The following PDE6A variants were observed in gnomAD, a reference collection of about 807,000 sequenced individuals.
PDE6A encodes the protein rod cGMP-specific 3',5'-cyclic phosphodiesterase subunit alpha.
A neutral mutation model predicts 106.3 loss-of-function variants in PDE6A; 84 were observed. The ratio of observed to expected loss-of-function variants is 0.79; its 90% CI spans 0.66 to 0.95. The LOEUF (loss-of-function observed/expected upper bound fraction) is 0.95, where lower values mean the gene tolerates loss of function less well. PDE6A is among the 40% of genes least tolerant of loss of function. The pLI, the probability that PDE6A is intolerant of heterozygous loss-of-function variation, is 0.00. For missense variants in PDE6A, 1,052 were observed against 1,084.9 expected (o/e 0.97, Z 0.43); for synonymous variants, 394 against 386.6 (o/e 1.02, Z -0.23).
intron 10 of PDE6A, 43 bp downstream of exon 10, chr5:149,898,320 G>A (rs757940319): frequency 1.8e-5 from 28 of 1,594,538 alleles, no homozygotes; most frequent in Admixed American, 3.3e-5. Context: ...TCTCTGAGAC[G>A]CAGTCTGTAT....
intron 4 of PDE6A, among the ~76,000 whole-genome samples, chr5:149,925,882 G>A (rs1019616625): frequency 3.3e-5 from 5 of 152,068 alleles, no homozygotes; most frequent in Admixed American, 1.3e-4. Context: ...TTCATTACCA[G>A]ATATCATGAT....
intron 5 of PDE6A, among the ~76,000 whole-genome samples, 197 bp downstream of exon 5, chr5:149,921,438 C>CT (rs1348558246): frequency 6.6e-6 from 1 of 151,312 alleles, no homozygotes; most frequent in Non-Finnish European, 1.5e-5. Flanking sequence ...TTTTTTTTTA[C>CT]TTTTTTTCTC....
Position 149,933,405 on chromosome 5 carries a change from G to A in PDE6A, c.717+525C>T, listed in dbSNP as rs568102222. On this transcript the variant is annotated intron_variant, in intron 3 of 21. Transcript: ENST00000255266. ...CTCCCAAAGTGCTGGAACTACAGGC[G>A]TGAGCCACCATGCCCAGTCCAATTA... is the stretch of plus-strand genomic sequence containing the variant. 7.9e-5 allele frequency among the ~76,000 whole-genome samples: 12 copies of A among 152,298 alleles called. No homozygotes were observed. In the East Asian group the frequency reaches 1.5e-3, roughly 20 times the overall value.
At chr5:149,931,931 G>T in intron 3 of PDE6A, 1 of 949,030 alleles carries the variant, frequency 1.1e-6, no homozygotes, top group South Asian at 1.4e-5. Context: ...GTACAATGAA[G>T]AGACAGAAAC....
At chr5:149,901,678 G>C (rs1290073611) in intron 8 of PDE6A, among the ~76,000 whole-genome samples, 1 of 152,194 alleles carries the variant, frequency 6.6e-6, no homozygotes, top group Non-Finnish European at 1.5e-5. Context: ...TGGATGACTT[G>C]AGTAAAGACT....
chr5:149,870,351 A>G (rs189449358), intron 17 of PDE6A, among the ~76,000 whole-genome samples: 418 of 152,336 alleles, frequency 2.7e-3, no homozygotes, highest in African/African-American at 9.3e-3. Context: ...ATGCTTTATA[A>G]TAACCTCAGA....
intron 17 of PDE6A, among the ~76,000 whole-genome samples, chr5:149,878,446 C>T (rs1760818131): frequency 6.6e-6 from 1 of 152,196 alleles, no homozygotes; most frequent in South Asian, 2.1e-4. Flanking sequence ...TGTTTTCAAT[C>T]CTGTTTGTGT....
chr5:149,920,606 G>A (rs1753676807), intron 5 of PDE6A, among the ~76,000 whole-genome samples: 1 of 152,012 alleles, frequency 6.6e-6, no homozygotes, highest in Admixed American at 6.6e-5. Context: ...CGGGGACTGT[G>A]GCAAACTAGA....
At chr5:149,892,963 TG>T (rs762241045) in intron 13 of PDE6A, among the ~76,000 whole-genome samples, 41 of 152,236 alleles carry the variant, frequency 2.7e-4, no homozygotes, top group Non-Finnish European at 4.6e-4. Context: ...AAAAACAGAT[TG>T]GCCCCATACG....
intron 5 of PDE6A, 141 bp from the exon 6 acceptor site, chr5:149,915,148 C>T: frequency 3.4e-6 from 2 of 589,822 alleles, no homozygotes; most frequent in Non-Finnish European, 6.0e-6. Flanking sequence ...TATTCTTCTG[C>T]CTCAGCCTCC....
chr5:149,869,801 C>T (rs566131071), intron 17 of PDE6A, among the ~76,000 whole-genome samples: 11 of 152,136 alleles, frequency 7.2e-5, no homozygotes, highest in South Asian at 6.2e-4. Flanking sequence ...TCTGCAGCAA[C>T]GGCTGGCTGC....
intron 1 of PDE6A, among the ~76,000 whole-genome samples, chr5:149,938,541 G>A (rs556599162): frequency 6.6e-6 from 1 of 152,178 alleles, no homozygotes; most frequent in Non-Finnish European, 1.5e-5. Flanking sequence ...GAATAAGATC[G>A]ACAGGGACAG....
At chr5:149,906,857 C>T (rs1413399938) in intron 7 of PDE6A, among the ~76,000 whole-genome samples, 21 of 152,082 alleles carry the variant, frequency 1.4e-4, no homozygotes, top group Non-Finnish European at 2.1e-4. Flanking sequence ...CTGCAACCTC[C>T]GCCTCCCAGG....
intron 8 of PDE6A, among the ~76,000 whole-genome samples, chr5:149,903,186 A>G (rs1753050599): frequency 6.7e-6 from 1 of 150,286 alleles, no homozygotes; most frequent in African/African-American, 2.4e-5. Flanking sequence ...AAACAACAAC[A>G]ACGACAAAAC....
chr5:149,927,596 T>C (rs1029146979), intron 4 of PDE6A, among the ~76,000 whole-genome samples: 1 of 151,836 alleles, frequency 6.6e-6, no homozygotes, highest in African/African-American at 2.4e-5. Flanking sequence ...TTTTACTCTA[T>C]AAATTTTTAA....
chr5:149,917,332 G>A (rs1753587983), intron 5 of PDE6A, among the ~76,000 whole-genome samples: 1 of 152,010 alleles, frequency 6.6e-6, no homozygotes, highest in Non-Finnish European at 1.5e-5. Flanking sequence ...TTTACTACAG[G>A]TATTTTGAGA....
rs1179072465 is a variant in PDE6A at position 149,858,669 on chromosome 5, G to GCTT, written c.*2223_*2225dup. 1 of 152,202 alleles carries GCTT rather than the reference G, an allele frequency of 6.6e-6. No homozygotes were observed. The highest frequency in any genetic ancestry group is 1.5e-5 in the Non-Finnish European group (1 of 68,118). 9.4% of individuals were successfully genotyped at this position (152,202 alleles called of 1,614,324 possible). On this transcript the variant is annotated 3_prime_UTR_variant, in exon 22 of 22. Coordinates refer to ENST00000255266, the MANE Select transcript of PDE6A (RefSeq NM_000440.3). ...GTGGTGCATGCCTGTGGTCACCGCTGCTTGGTAAGCTGAGATGGAGGATTG... is the reference window on the plus strand; with the variant it reads ...GTGGTGCATGCCTGTGGTCACCGCTGCTTCTTGGTAAGCTGAGATGGAGGATTG...
At chr5:149,936,344 A>G (rs542679296) in intron 1 of PDE6A, among the ~76,000 whole-genome samples, 175 of 152,334 alleles carry the variant, frequency 1.1e-3, no homozygotes, top group African/African-American at 4.1e-3. Flanking sequence ...GTAGTGCTGT[A>G]CTTGAATTAA....
chr5:149,863,223 C>T lies in PDE6A; in HGVS notation c.2402G>A (p.Gly801Glu). The part of the protein sequence containing the change: ...FHEEITPMLD[G>E]ITNNRKEWKA... ...CCACTCCTTGCGATTGTTGGTGATC[C>T]CGTCCAACATTGGGGTGATCTCCTC... The change falls in exon 21 of 22, where the codon GGG becomes GAG. Residue 801 changes from glycine (G) to glutamate (E), a missense_variant. Transcript: ENST00000255266. The surrounding 1 kb of genome is among the most constrained non-coding windows in gnomAD (Gnocchi z 4.7). The T allele has an allele frequency of 6.2e-7, 1 of 1,614,056 alleles. No individual in the cohort carries two copies. Among genetic ancestry groups the T allele is most frequent in the Non-Finnish European group, 8.5e-7 (1 of 1,179,922 alleles).
Sources: gnomAD v4.1 joint callset for allele counts (sites outside exome capture counted in the v4.1 genomes callset) on GRCh38, gnomAD v4.1.1 for gene constraint, Gnocchi (gnomAD v3.1) non-coding constraint, MANE v1.5 for transcripts, NCBI Gene and HGNC (gene_info 2026-07-23, HGNC 2026-07-21) for gene names.